ZNF676: variants seen among roughly 807,000 people sequenced by gnomAD.
The protein encoded by ZNF676 is zinc finger protein 676.
A neutral mutation model predicts 6.0 loss-of-function variants in ZNF676; 4 were observed. The observed-to-expected ratio is 0.67, with a 90% confidence interval of 0.33 to 1.53. The LOEUF is 1.53. Ranked by LOEUF, ZNF676 falls within the 40% of genes most tolerant of loss-of-function variation. The probability of loss-of-function intolerance (pLI) is 0.06; values close to 1 mark genes in which losing one functional copy is unlikely to be tolerated. For missense variants in ZNF676, 644 were observed against 679.7 expected (o/e 0.95, Z 0.58); for synonymous variants, 198 against 223.1 (o/e 0.89, Z 1.00).
At chr19:22,209,440 G>GT (rs1203889278) in intron 1 of ZNF676, among the ~76,000 whole-genome samples, 9 of 151,954 alleles carry the variant, frequency 5.9e-5, no homozygotes, top group African/African-American at 1.9e-4. Flanking sequence ...TTATTTATAA[G>GT]TAAGAGATAA....
At chr19:22,221,638 C>G in the ZNF676 span, among the ~76,000 whole-genome samples, 1 of 152,106 alleles carries the variant, frequency 6.6e-6, no homozygotes, top group South Asian at 2.1e-4. Context: ...GTAATCCCAG[C>G]TACTCAGAAG....
the ZNF676 span, among the ~76,000 whole-genome samples, chr19:22,246,714 A>C: frequency 2.5e-4 from 38 of 152,350 alleles, no homozygotes; most frequent in South Asian, 8.3e-4. Flanking sequence ...GGAACGTATC[A>C]CAATTACCCT....
the ZNF676 span, among the ~76,000 whole-genome samples, chr19:22,241,971 G>A: frequency 3.6e-4 from 55 of 151,438 alleles, no homozygotes; most frequent in South Asian, 1.0e-3. Flanking sequence ...AAACAGTCTC[G>A]TCTGTGTGCT....
In ZNF676 at chr19:22,196,637, A is replaced by C; in HGVS notation, c.-4T>G. ...GGTTTCTGTAGTTCTCTAACATCAC[A>C]TTCCTATATAAATTCTGCTGTGTAG... On this transcript the variant is annotated 5_prime_UTR_variant, in exon 1 of 3. The change abolishes an upstream ATG in the 5' untranslated region. Transcript: ENST00000397121. 1 of 1,613,748 alleles carries C rather than the reference A, an allele frequency of 6.2e-7. No individual in the cohort carries two copies. Among genetic ancestry groups the C allele is most frequent in the Non-Finnish European group, 8.5e-7 (1 of 1,179,686 alleles).
upstream of ZNF676, among the ~76,000 whole-genome samples, chr19:22,197,403 T>A (rs761173567): frequency 8.6e-5 from 13 of 152,034 alleles, no homozygotes; most frequent in Non-Finnish European, 2.9e-5. Flanking sequence ...AATAGACATG[T>A]TGAGTTAGAA....
the ZNF676 span, among the ~76,000 whole-genome samples, chr19:22,240,900 A>G: frequency 6.6e-6 from 1 of 151,992 alleles, no homozygotes; most frequent in African/African-American, 2.4e-5. Flanking sequence ...TACATGGATG[A>G]TGGGCACAGA....
chr19:22,184,288 G>T (rs1177215192), intron 2 of ZNF676, among the ~76,000 whole-genome samples: 2 of 152,108 alleles, frequency 1.3e-5, no homozygotes, highest in South Asian at 4.1e-4. Context: ...CAAAGGAAGG[G>T]TTTAGGGACT....
At chr19:22,223,547 T>C in the ZNF676 span, among the ~76,000 whole-genome samples, 1 of 151,460 alleles carries the variant, frequency 6.6e-6, no homozygotes, top group African/African-American at 2.4e-5. Flanking sequence ...CTGATGTCGC[T>C]CTCCCTATAC....
At chr19:22,225,937 G>A in the ZNF676 span, among the ~76,000 whole-genome samples, 1 of 151,922 alleles carries the variant, frequency 6.6e-6, no homozygotes, top group Non-Finnish European at 1.5e-5. Context: ...AAATTTTGAA[G>A]TATATTTCAG....
chr19:22,207,983 TAAAA>T (rs59890557), intron 1 of ZNF676, among the ~76,000 whole-genome samples: 1 of 129,210 alleles, frequency 7.7e-6, no homozygotes, highest in Non-Finnish European at 1.7e-5. Context: ...TTAAAAATTA[TAAAA>T]AAAAAAAAAA....
chr19:22,248,482 T>C, the ZNF676 span, among the ~76,000 whole-genome samples: 1 of 152,176 alleles, frequency 6.6e-6, no homozygotes, highest in African/African-American at 2.4e-5. Context: ...ACTTAAAGTA[T>C]TTTATATATA....
intron 2 of ZNF676, among the ~76,000 whole-genome samples, chr19:22,181,986 T>A (rs1294127961): frequency 6.6e-6 from 1 of 151,986 alleles, no homozygotes; most frequent in African/African-American, 2.4e-5. Flanking sequence ...ATTTTTGTCT[T>A]CTATGGCTCT....
In ZNF676 at chr19:22,196,723, C is replaced by A; in HGVS notation, c.-90G>T. On this transcript the variant is annotated 5_prime_UTR_variant, in exon 1 of 3. Coordinates refer to ENST00000397121, the MANE Select transcript of ZNF676 (RefSeq NM_001001411.3). ...ATGGCCACATCCCTAAATGTCAATG[C>A]TCCCTGGAAAACACACACAAACACA... 6.2e-7 allele frequency: 1 copy of A among 1,606,050 alleles called. No individual in the cohort carries two copies. The highest frequency in any genetic ancestry group is 8.5e-7 in the Non-Finnish European group (1 of 1,173,068).
chr19:22,185,887 G>A (rs932034553), intron 2 of ZNF676, among the ~76,000 whole-genome samples: 7 of 151,826 alleles, frequency 4.6e-5, no homozygotes, highest in Non-Finnish European at 1.0e-4. Flanking sequence ...ACTATGAAAG[G>A]ACCAAATCTT....
At chr19:22,215,059 A>ACC (rs1568537408) in intron 1 of ZNF676, among the ~76,000 whole-genome samples, 3 of 98,484 alleles carry the variant, frequency 3.0e-5, no homozygotes, top group African/African-American at 1.5e-4. Context: ...AAAAAAAAAA[A>ACC]ACAACAAAAA....
upstream of ZNF676, among the ~76,000 whole-genome samples, chr19:22,217,844 C>T (rs767754351): frequency 6.6e-6 from 1 of 151,916 alleles, no homozygotes; most frequent in Non-Finnish European, 1.5e-5. Flanking sequence ...GCAGGGATTA[C>T]GGACACACTC....
the ZNF676 span, among the ~76,000 whole-genome samples, chr19:22,254,653 C>T: frequency 6.6e-6 from 1 of 151,968 alleles, no homozygotes; most frequent in South Asian, 2.1e-4. Context: ...TAGGCAGGGC[C>T]CAAACAGATT....
chr19:22,203,450 A>T (rs2024045980), intron 1 of ZNF676: 1 of 152,436 alleles, frequency 6.6e-6, no homozygotes, highest in African/African-American at 2.4e-5. Flanking sequence ...GTGTCTTAAG[A>T]AAAAACTGAG....
chr19:22,195,331 T>G (rs899831207), intron 1 of ZNF676, among the ~76,000 whole-genome samples: 6 of 152,098 alleles, frequency 3.9e-5, no homozygotes, highest in Admixed American at 3.9e-4. Flanking sequence ...AGCCCCCGTC[T>G]TGGCACATTT....
Sources: gnomAD v4.1 joint callset for allele counts (sites outside exome capture counted in the v4.1 genomes callset) on GRCh38, gnomAD v4.1.1 for gene constraint, MANE v1.5 for transcripts, NCBI Gene and HGNC (gene_info 2026-07-23, HGNC 2026-07-21) for gene names.